ZNF385D: variants seen among roughly 807,000 people sequenced by gnomAD.
ZNF385D encodes zinc finger protein 385D, also known as zinc finger protein 659.
ZNF385D carries 15 observed loss-of-function variants against 35.8 expected under a neutral mutation model. The ratio of observed to expected loss-of-function variants is 0.42; its 90% CI spans 0.28 to 0.64. The LOEUF (loss-of-function observed/expected upper bound fraction) is 0.64. ZNF385D is among the 30% of genes least tolerant of loss of function. The pLI, the probability that ZNF385D is intolerant of heterozygous loss-of-function variation, is 0.23. For missense variants in ZNF385D, 474 were observed against 494.6 expected, an observed-to-expected ratio of 0.96 and a Z score of 0.39; for synonymous variants, 212 against 186.8, an observed-to-expected ratio of 1.13 and a Z score of -1.10.
chr3:21,588,381 CCTTT>C (rs1179956149), intron 2 of ZNF385D, among the ~76,000 whole-genome samples: 4 of 151,996 alleles, frequency 2.6e-5, no homozygotes, highest in Non-Finnish European at 4.4e-5. Context: ...CAAAAATTTA[CCTTT>C]ATTTACAAAT....
intron 3 of ZNF385D, among the ~76,000 whole-genome samples, chr3:22,145,103 A>T (rs531011013): frequency 6.6e-6 from 1 of 152,270 alleles, no homozygotes; most frequent in South Asian, 2.1e-4. Flanking sequence ...TCCTATGTAC[A>T]TACACACATA....
chr3:21,762,484 T>C (rs1447125613), intron 3 of ZNF385D, among the ~76,000 whole-genome samples: 1 of 152,178 alleles, frequency 6.6e-6, no homozygotes, highest in Non-Finnish European at 1.5e-5. Flanking sequence ...CATTAGTGAC[T>C]ACTTTCCTTA....
chr3:21,592,548 A>AAC (rs1338071602), intron 2 of ZNF385D, among the ~76,000 whole-genome samples: 2 of 109,200 alleles, frequency 1.8e-5, no homozygotes, highest in Non-Finnish European at 3.9e-5. Context: ...CATGGCAAAA[A>AAC]AAAAAAACCA....
In ZNF385D at chr3:22,242,654, C is replaced by G. The variant is rs184172228; in HGVS notation, c.107-73619G>C. Among the ~76,000 whole-genome samples the G allele has an allele frequency of 2.5e-3, 385 of 151,062 alleles. 13 individuals carry two copies. Among genetic ancestry groups the G allele is most frequent in the Middle Eastern group, 0.024 (7 of 292 alleles). ...GAGAGAGACTAATGTGACATCGCAACTAAACACAGCATGGTATTCTAAACT... is the reference window on the plus strand; with the variant it reads ...GAGAGAGACTAATGTGACATCGCAAGTAAACACAGCATGGTATTCTAAACT... On this transcript the variant is annotated intron_variant, in intron 2 of 5. Transcript: ENST00000494108.
intron 2 of ZNF385D, among the ~76,000 whole-genome samples, chr3:22,229,091 T>C (rs982412290): frequency 1.3e-5 from 2 of 152,190 alleles, no homozygotes; most frequent in Non-Finnish European, 2.9e-5. Context: ...ATAAACTCTT[T>C]CATATATACC....
chr3:21,544,024 T>TA (rs2062284161), intron 3 of ZNF385D, among the ~76,000 whole-genome samples: 1 of 152,292 alleles, frequency 6.6e-6, no homozygotes, highest in African/African-American at 2.4e-5. Flanking sequence ...GTGATGTCCG[T>TA]AAAAAGAGTT....
At chr3:21,906,910 T>C (rs1699711453) in intron 3 of ZNF385D, among the ~76,000 whole-genome samples, 1 of 152,150 alleles carries the variant, frequency 6.6e-6, no homozygotes, top group Non-Finnish European at 1.5e-5. Flanking sequence ...GTAAACTAGC[T>C]TCATATTAAT....
At chr3:21,692,629 C>G (rs1408244368) in intron 1 of ZNF385D, among the ~76,000 whole-genome samples, 1 of 152,186 alleles carries the variant, frequency 6.6e-6, no homozygotes, top group Non-Finnish European at 1.5e-5. Context: ...CTGATCACAC[C>G]CTTGCTGCAC....
chr3:21,636,234 T>A (rs1193707551), intron 2 of ZNF385D, among the ~76,000 whole-genome samples: 1 of 150,848 alleles, frequency 6.6e-6, no homozygotes, highest in East Asian at 1.9e-4. Flanking sequence ...TTTTTTGATT[T>A]TTTTTTATTA....
intron 2 of ZNF385D, among the ~76,000 whole-genome samples, chr3:21,595,257 T>C (rs2064095810): frequency 6.6e-6 from 1 of 152,072 alleles, no homozygotes; most frequent in South Asian, 2.1e-4. Context: ...TTCACCTTTA[T>C]TCAGTTCTTT....
intron 3 of ZNF385D, among the ~76,000 whole-genome samples, chr3:21,757,423 G>A (rs4349519): frequency 0.31 from 47,034 of 151,934 alleles, 7,510 homozygotes; most frequent in Middle Eastern, 0.45. Context: ...GATTACAGGC[G>A]TGAGCCACCA....
intron 1 of ZNF385D, among the ~76,000 whole-genome samples, chr3:21,697,780 G>T (rs1559528506): frequency 6.6e-6 from 1 of 151,420 alleles, no homozygotes; most frequent in Non-Finnish European, 1.5e-5. Context: ...AATAGAAAGT[G>T]AACAACTGAC....
At chr3:22,086,908 G>T (rs1016114853) in intron 3 of ZNF385D, among the ~76,000 whole-genome samples, 4 of 151,726 alleles carry the variant, frequency 2.6e-5, no homozygotes, top group Admixed American at 6.6e-5. Context: ...ACAGGGTGGG[G>T]TACATCACAC....
At chr3:21,518,994 G>A (rs866777703) in intron 3 of ZNF385D, among the ~76,000 whole-genome samples, 7 of 151,946 alleles carry the variant, frequency 4.6e-5, no homozygotes, top group Non-Finnish European at 7.4e-5. Flanking sequence ...ATTTTTTCCC[G>A]AAGTGAAAAA....
intron 3 of ZNF385D, among the ~76,000 whole-genome samples, chr3:21,930,763 C>T (rs1337546201): frequency 1.3e-5 from 2 of 151,990 alleles, no homozygotes; most frequent in Non-Finnish European, 2.9e-5. Flanking sequence ...ATAAGATGCC[C>T]ATATGCAAAA....
intron 2 of ZNF385D, among the ~76,000 whole-genome samples, chr3:22,327,503 T>C (rs1694733627): frequency 6.6e-6 from 1 of 152,150 alleles, no homozygotes. Flanking sequence ...GTTATACCCA[T>C]CACATTGAAA....
chr3:21,818,179 G>C (rs2073237118), intron 3 of ZNF385D, among the ~76,000 whole-genome samples: 1 of 150,344 alleles, frequency 6.7e-6, no homozygotes, highest in Admixed American at 6.6e-5. Context: ...GGCCTGTCGT[G>C]ATGGGGGTGG....
At chr3:22,069,919 T>A (rs1700148167) in intron 3 of ZNF385D, among the ~76,000 whole-genome samples, 1 of 152,160 alleles carries the variant, frequency 6.6e-6, no homozygotes, top group Non-Finnish European at 1.5e-5. Flanking sequence ...ACAGAATGGG[T>A]TTCAGAGTGC....
chr3:22,026,741 A>C (rs1264381282), intron 3 of ZNF385D, among the ~76,000 whole-genome samples: 1 of 152,196 alleles, frequency 6.6e-6, no homozygotes, highest in African/African-American at 2.4e-5. Flanking sequence ...GCCTCTACCT[A>C]GAAAAATAGT....
Sources: allele counts gnomAD v4.1 joint callset (sites outside exome capture counted in the v4.1 genomes callset), GRCh38; gene constraint gnomAD v4.1.1; transcripts MANE v1.5; gene names NCBI Gene and HGNC (gene_info 2026-07-23, HGNC 2026-07-21).